Variants in COPG2 observed in about 807,000 individuals in gnomAD.
The protein encoded by COPG2 is coat protein complex I subunit gamma 2, also known as coatomer subunit gamma-2.
In COPG2, 37 loss-of-function variants were observed where a neutral mutation model predicts 46.3. The ratio of observed to expected loss-of-function variants is 0.80; its 90% CI spans 0.61 to 1.05. COPG2 has a LOEUF of 1.05. Ranked by LOEUF, COPG2 falls within the 50% of genes least tolerant of loss-of-function variation. The probability of loss-of-function intolerance (pLI) is 0.00; values close to 1 mark genes in which losing one functional copy is unlikely to be tolerated. For synonymous variants in COPG2, 159 were observed against 129.7 expected (o/e 1.23, Z -1.53); for missense variants, 427 against 387.8 (o/e 1.10, Z -0.85).
intron 8 of COPG2, among the ~76,000 whole-genome samples, chr7:130,611,711 T>A (rs529955144): frequency 1.3e-5 from 2 of 152,316 alleles, no homozygotes; most frequent in South Asian, 2.1e-4. Flanking sequence ...AAGAATTTAA[T>A]CTTATTCCTC....
At chr7:130,539,171 C>T (rs1322086470) in intron 20 of COPG2, among the ~76,000 whole-genome samples, 1 of 152,014 alleles carries the variant, frequency 6.6e-6, no homozygotes, top group Non-Finnish European at 1.5e-5. Flanking sequence ...ATGGTGGATC[C>T]AGATAGCTTC....
intron 9 of COPG2, among the ~76,000 whole-genome samples, chr7:130,587,033 G>A (rs185603608): frequency 3.3e-4 from 50 of 151,834 alleles, no homozygotes; most frequent in South Asian, 6.3e-4. Flanking sequence ...TCAGCTGGGC[G>A]TGGTGGCTCA....
chr7:130,511,340 C>A, intron 20 of COPG2: 1 of 501,486 alleles, frequency 2.0e-6, no homozygotes, highest in East Asian at 5.6e-5. Flanking sequence ...AGGCTAACTG[C>A]AGCAGTCTAT....
Position 130,506,824 on chromosome 7 carries a change from G to A in COPG2, c.2486-18C>T, listed in dbSNP as rs782335912. ...GAATATACCTGAGAGAAAAAAGTAA[G>A]GAAAACCATATTAAGAACCCAAAAC... On this transcript the variant is annotated intron_variant, in intron 23 of 23. Coordinates refer to ENST00000425248, the MANE Select transcript of COPG2 (RefSeq NM_012133.6). 2.6e-6 allele frequency: 2 copies of A among 766,118 alleles called. No homozygotes were observed. The highest frequency in any genetic ancestry group is 3.6e-5 in the Admixed American group (2 of 55,990). 47.5% of individuals were successfully genotyped at this position (766,118 alleles called of 1,614,324 possible). A position where few individuals can be genotyped will look rare whatever the true frequency, so the allele number is the denominator to read the frequency against.
rs1221165104 is a variant in COPG2, at chr7:130,545,170, T to TATTTCATTTCATTTCATTTCATTTC, written c.2149+2479_2149+2503dup. On this transcript the variant is annotated intron_variant, in intron 20 of 23. Transcript: ENST00000425248. ...GCACCATGTGAAGCAACTTACCTAT[T>TATTTCATTTCATTTCATTTCATTTC]ATTTCATTTCATTTCATTTCATTTC... 5.7e-4 allele frequency among the ~76,000 whole-genome samples: 86 copies of TATTTCATTTCATTTCATTTCATTTC among 150,030 alleles called. 2 individuals are homozygous for TATTTCATTTCATTTCATTTCATTTC. The highest frequency in any genetic ancestry group is 3.4e-3 in the South Asian group (16 of 4,668).
At chr7:130,597,233 T>G (rs959761673) in intron 9 of COPG2, among the ~76,000 whole-genome samples, 1 of 152,196 alleles carries the variant, frequency 6.6e-6, no homozygotes, top group Non-Finnish European at 1.5e-5. Context: ...CACAGTGCAT[T>G]TCCTACATTC....
At chr7:130,626,674 CTT>C (rs1453726633) in intron 5 of COPG2, among the ~76,000 whole-genome samples, 2 of 152,168 alleles carry the variant, frequency 1.3e-5, no homozygotes, top group East Asian at 1.9e-4. Context: ...TTTCTTTCCT[CTT>C]TCTTTAACTC....
chr7:130,570,024 C>T (rs1490442935), intron 9 of COPG2, among the ~76,000 whole-genome samples: 2 of 152,160 alleles, frequency 1.3e-5, no homozygotes, highest in African/African-American at 4.8e-5. Flanking sequence ...GATTAAAACC[C>T]TCAGCAAAAT....
chr7:130,617,029 G>A lies in COPG2; in HGVS notation c.360C>T (p.Tyr120=), dbSNP rs782475773. ...AGAGAGCTCTGATGGCCGGGCCTCG[G>A]TATACATCTTCTTTTCCAGTCATGT... The part of the protein sequence containing the change: ...TKDMTGKEDV[Y]RGPAIRALCR... Residue 120 remains tyrosine, a synonymous_variant, in exon 6 of 24, where the codon TAC becomes TAT. Transcript: ENST00000425248. The A allele has an allele frequency of 8.1e-5, 131 of 1,610,682 alleles. No individual in the cohort carries two copies. Among genetic ancestry groups the A allele is most frequent in the Non-Finnish European group, 1.1e-4 (125 of 1,177,970 alleles).
chr7:130,663,887 C>G (rs556928046), intron 3 of COPG2, among the ~76,000 whole-genome samples: 1 of 151,830 alleles, frequency 6.6e-6, no homozygotes, highest in Non-Finnish European at 1.5e-5. Context: ...TACAGGTGTG[C>G]ACCACCACGC....
chr7:130,650,058 G>A lies in COPG2; in HGVS notation c.323+2811C>T, dbSNP rs1189356915. On this transcript the variant is annotated intron_variant, in intron 5 of 23. Transcript: ENST00000425248. ...GAATCCTTGCTTTTTCCAGTCTCTA[G>A]AGGTTACCACATTCCTTGACTCATG... Among the ~76,000 whole-genome samples the A allele has an allele frequency of 2.0e-5, 3 of 152,240 alleles. No individual in the cohort carries two copies. The East Asian group carries it at 5.8e-4, about 29-fold the overall frequency.
chr7:130,511,774 C>T (rs374410613), intron 20 of COPG2: 8 of 518,532 alleles, frequency 1.5e-5, no homozygotes, highest in African/African-American at 5.8e-5. Flanking sequence ...TCTAAATGGT[C>T]GGCTGCATGG....
At chr7:130,660,542 T>A (rs1554460588) in intron 4 of COPG2, among the ~76,000 whole-genome samples, 1 of 152,172 alleles carries the variant, frequency 6.6e-6, no homozygotes, top group Non-Finnish European at 1.5e-5. Flanking sequence ...TGTCACCTGC[T>A]ACCATTGCTG....
intron 5 of COPG2, among the ~76,000 whole-genome samples, chr7:130,619,352 G>A (rs540661141): frequency 3.3e-5 from 5 of 152,142 alleles, no homozygotes; most frequent in Non-Finnish European, 5.9e-5. Flanking sequence ...AGTGTCTTTT[G>A]TTTTCCTAAG....
intron 5 of COPG2, among the ~76,000 whole-genome samples, chr7:130,629,943 G>C (rs1554454922): frequency 6.8e-6 from 1 of 147,190 alleles, no homozygotes; most frequent in African/African-American, 2.5e-5. Context: ...TTCAGACAGA[G>C]TTTCGCTCTT....
At chr7:130,585,971 T>C (rs138304875) in intron 9 of COPG2, among the ~76,000 whole-genome samples, 13 of 152,146 alleles carry the variant, frequency 8.5e-5, no homozygotes, top group Admixed American at 8.5e-4. Flanking sequence ...CTACGCAGTA[T>C]CTACTCGAGG....
chr7:130,536,901 G>A (rs904400001), intron 20 of COPG2, among the ~76,000 whole-genome samples: 10 of 151,924 alleles, frequency 6.6e-5, no homozygotes, highest in Non-Finnish European at 1.2e-4. Context: ...CAGGGGATCT[G>A]TTGTCACGGG....
rs59572019 is a variant in COPG2 at position 130,651,494 on chromosome 7, A to AT, written c.323+1374dup. 4.2e-3 allele frequency among the ~76,000 whole-genome samples: 240 copies of AT among 57,236 alleles called. 19 individuals are homozygous for AT. The highest frequency in any genetic ancestry group is 6.2e-3 in the African/African-American group (87 of 14,108). 37.5% of individuals were successfully genotyped at this position (57,236 alleles called of 152,430 possible). ...ACCAATGCCTGGCTAATTTTTTTGTATTTTTTTTTTTTTTTTTTTTTTTTT... is the reference window on the plus strand; with the variant it reads ...ACCAATGCCTGGCTAATTTTTTTGTATTTTTTTTTTTTTTTTTTTTTTTTTT... On this transcript the variant is annotated intron_variant, in intron 5 of 23. Transcript: ENST00000425248.
At chr7:130,645,904 A>G (rs567147498) in intron 5 of COPG2, among the ~76,000 whole-genome samples, 1 of 152,330 alleles carries the variant, frequency 6.6e-6, no homozygotes, top group South Asian at 2.1e-4. Flanking sequence ...AGCATCTCCA[A>G]AAACTGTTGC....
Sources: allele counts gnomAD v4.1 joint callset (sites outside exome capture counted in the v4.1 genomes callset), GRCh38; gene constraint gnomAD v4.1.1; transcripts MANE v1.5; gene names NCBI Gene and HGNC (gene_info 2026-07-23, HGNC 2026-07-21).